Variants in PLEKHH2 observed in about 807,000 individuals in gnomAD.
The protein encoded by PLEKHH2 is pleckstrin homology domain-containing family H member 2.
A neutral mutation model predicts 187.9 loss-of-function variants in PLEKHH2; 129 were observed. The ratio of observed to expected loss-of-function variants is 0.69; its 90% CI spans 0.59 to 0.79. The LOEUF is 0.79. PLEKHH2 is among the 30% of genes least tolerant of loss of function. The pLI is 0.00. For missense variants in PLEKHH2, 2,076 were observed against 1,751.2 expected, an observed-to-expected ratio of 1.19 and a Z score of -3.31; for synonymous variants, 686 against 605.6, an observed-to-expected ratio of 1.13 and a Z score of -1.95.
intron 26 of PLEKHH2, among the ~76,000 whole-genome samples, chr2:43,758,000 C>T (rs192557586): frequency 2.3e-4 from 35 of 152,080 alleles, no homozygotes; most frequent in Admixed American, 1.8e-3. Context: ...TCTAATTTAC[C>T]TCAATTTGGA....
At chr2:43,737,805 C>A (rs971022631) in intron 19 of PLEKHH2, among the ~76,000 whole-genome samples, 1 of 152,128 alleles carries the variant, frequency 6.6e-6, no homozygotes, top group Non-Finnish European at 1.5e-5. Flanking sequence ...GTCACACAGA[C>A]CAACCCTGGT....
intron 2 of PLEKHH2, among the ~76,000 whole-genome samples, chr2:43,646,163 CA>C (rs1666175668): frequency 6.6e-6 from 1 of 152,146 alleles, no homozygotes; most frequent in South Asian, 2.1e-4. Flanking sequence ...ATTGATATTA[CA>C]TCAAAATTAT....
chr2:43,695,633 T>C (rs1016486416), intron 6 of PLEKHH2, among the ~76,000 whole-genome samples: 2 of 152,170 alleles, frequency 1.3e-5, no homozygotes, highest in African/African-American at 2.4e-5. Context: ...CAATCTCTAA[T>C]GGTAAGGACA....
chr2:43,712,361 C>G lies in PLEKHH2; in HGVS notation c.2438C>G (p.Thr813Ser), dbSNP rs936825356. The G allele has an allele frequency of 4.3e-5, 70 of 1,614,004 alleles. No homozygotes were observed. The highest frequency in any genetic ancestry group is 5.9e-5 in the Non-Finnish European group (70 of 1,180,026). The change falls in exon 15 of 30, where the codon ACC (threonine) becomes AGC (serine). Residue 813 changes from threonine (T) to serine (S), a missense_variant. By Grantham distance (58) the Thr-to-Ser change is moderately conservative. Transcript: ENST00000282406. ...PLSLQPEGKPTMKGLLTKVKH... is the reference protein window; with the variant it reads ...PLSLQPEGKPSMKGLLTKVKH... ...TCCCTGCAGCCTGAGGGCAAACCCA[C>G]CATGAAGGGATTGCTCACTAAGGTA...
chr2:43,707,222 T>C (rs1669704972), intron 10 of PLEKHH2, among the ~76,000 whole-genome samples, 179 bp from the exon 11 acceptor site: 1 of 148,098 alleles, frequency 6.8e-6, no homozygotes, highest in Non-Finnish European at 1.5e-5. Flanking sequence ...AAAAATTCTA[T>C]GCTATGACTT....
At chr2:43,755,831 G>A (rs528755590) in intron 25 of PLEKHH2, among the ~76,000 whole-genome samples, 16 of 152,268 alleles carry the variant, frequency 1.1e-4, no homozygotes, top group African/African-American at 3.6e-4. Flanking sequence ...AATGGTGAAT[G>A]GGTGACAGCA....
chr2:43,693,112 T>C (rs1247147492), intron 4 of PLEKHH2, among the ~76,000 whole-genome samples: 1 of 151,612 alleles, frequency 6.6e-6, no homozygotes, highest in Non-Finnish European at 1.5e-5. Flanking sequence ...ATTTTTTTTT[T>C]TAAGAAGAGA....
At chr2:43,708,157 G>C (rs1187594200) in intron 11 of PLEKHH2, among the ~76,000 whole-genome samples, 7 of 152,184 alleles carry the variant, frequency 4.6e-5, no homozygotes, top group Non-Finnish European at 8.8e-5. Context: ...GAGCTGCTCA[G>C]CCTTCCTTGG....
chr2:43,766,284 T>G lies in PLEKHH2; in HGVS notation c.*686T>G, dbSNP rs1159335303. The G allele has an allele frequency of 6.5e-6, 1 of 152,802 alleles. No homozygotes were observed. The highest frequency in any genetic ancestry group is 1.5e-5 in the Non-Finnish European group (1 of 68,058). The allele number at this position is 152,802 out of a possible 1,614,324, so 9.5% of individuals were successfully genotyped here. A position where few individuals can be genotyped will look rare whatever the true frequency, so the allele number is the denominator to read the frequency against. ...CAAGATGGTGATTCCTGACATTCCTTGGCTGTCAGTGCTGCCCAGATTCAG... is the reference window on the plus strand; with the variant it reads ...CAAGATGGTGATTCCTGACATTCCTGGGCTGTCAGTGCTGCCCAGATTCAG... On this transcript the variant is annotated 3_prime_UTR_variant, in exon 30 of 30. Coordinates refer to ENST00000282406, the MANE Select transcript of PLEKHH2 (RefSeq NM_172069.4).
intron 2 of PLEKHH2, among the ~76,000 whole-genome samples, chr2:43,666,042 C>T (rs1388947496): frequency 6.7e-6 from 1 of 148,752 alleles, no homozygotes; most frequent in South Asian, 2.2e-4. Flanking sequence ...CCTAAGCAAG[C>T]CTGGGCAATG....
At chr2:43,750,510 C>G (rs1372827369) in intron 24 of PLEKHH2, among the ~76,000 whole-genome samples, 1 of 151,882 alleles carries the variant, frequency 6.6e-6, no homozygotes, top group Non-Finnish European at 1.5e-5. Context: ...GAGAGACTCT[C>G]ATGATTCCAG....
intron 25 of PLEKHH2, among the ~76,000 whole-genome samples, chr2:43,754,392 G>T (rs566203869): frequency 6.6e-6 from 1 of 151,098 alleles, no homozygotes; most frequent in Non-Finnish European, 1.5e-5. Context: ...TCAGTGTTCC[G>T]GGCTTCAGGG....
At chr2:43,687,559 C>A (rs1316234958) in intron 3 of PLEKHH2, among the ~76,000 whole-genome samples, 1 of 152,158 alleles carries the variant, frequency 6.6e-6, no homozygotes, top group South Asian at 2.1e-4. Context: ...TTTGAGAAAC[C>A]TCTGACTGCT....
chr2:43,728,596 C>G (rs1315215908), intron 17 of PLEKHH2, among the ~76,000 whole-genome samples: 2 of 138,136 alleles, frequency 1.4e-5, no homozygotes, highest in Non-Finnish European at 1.5e-5. Context: ...GAGTTTCACT[C>G]TGTTGCCCAG....
chr2:43,739,782 A>G (rs1413012623), intron 20 of PLEKHH2, among the ~76,000 whole-genome samples: 1 of 152,118 alleles, frequency 6.6e-6, no homozygotes, highest in Non-Finnish European at 1.5e-5. Context: ...CACCTTTGCA[A>G]TATTCTCCAC....
intron 2 of PLEKHH2, among the ~76,000 whole-genome samples, chr2:43,678,639 C>T (rs1268571474): frequency 2.0e-5 from 3 of 151,918 alleles, no homozygotes; most frequent in Admixed American, 6.6e-5. Flanking sequence ...AGGGAGGTTG[C>T]AGTGAGCCGA....
chr2:43,676,907 A>G (rs996064162), intron 2 of PLEKHH2, among the ~76,000 whole-genome samples: 1 of 152,186 alleles, frequency 6.6e-6, no homozygotes, highest in Non-Finnish European at 1.5e-5. Flanking sequence ...CCTTGATGTC[A>G]TTATGACTTT....
At chr2:43,717,429 CAAACAAACAA>C (rs1670267052) in intron 15 of PLEKHH2, among the ~76,000 whole-genome samples, 1 of 151,708 alleles carries the variant, frequency 6.6e-6, no homozygotes, top group South Asian at 2.1e-4. Flanking sequence ...AACAAACAAA[CAAACAAACAA>C]ACAAACAAAC....
At chr2:43,689,555 C>T (rs1171304376) in intron 3 of PLEKHH2, among the ~76,000 whole-genome samples, 2 of 152,138 alleles carry the variant, frequency 1.3e-5, no homozygotes, top group African/African-American at 2.4e-5. Flanking sequence ...TTTCTGTGGA[C>T]CTCTTAGCTT....
Sources: gnomAD v4.1 joint callset for allele counts (sites outside exome capture counted in the v4.1 genomes callset) on GRCh38, gnomAD v4.1.1 for gene constraint, MANE v1.5 for transcripts, NCBI Gene and HGNC (gene_info 2026-07-23, HGNC 2026-07-21) for gene names.